ACLY: variants seen among roughly 807,000 people sequenced by gnomAD.
ACLY encodes ATP citrate lyase.
A neutral mutation model predicts 133.0 loss-of-function variants in ACLY; 41 were observed. That is an observed-to-expected ratio of 0.31 (90% CI 0.24 to 0.40). The LOEUF is 0.40. ACLY is among the 10% of genes least tolerant of loss of function. The pLI is 1.00. For missense variants in ACLY, 1,046 were observed against 1,453.8 expected, an observed-to-expected ratio of 0.72 and a Z score of 4.56; for synonymous variants, 495 against 549.3, an observed-to-expected ratio of 0.90 and a Z score of 1.38.
chr17:41,910,424 G>T, intron 3 of ACLY, 140 bp from the exon 4 acceptor site: 1 of 696,126 alleles, frequency 1.4e-6, no homozygotes, highest in Non-Finnish European at 2.5e-6. Flanking sequence ...AGAAAAAATG[G>T]GGTCACAGAT....
Position 41,916,719 on chromosome 17 carries a change from CTCTTTGAGG to C in ACLY, c.-24+2152_-24+2160del, listed in dbSNP as rs1348079267. On this transcript the variant is annotated intron_variant, in intron 1 of 28. Coordinates refer to ENST00000352035, the MANE Select transcript of ACLY (RefSeq NM_001096.3). Reference sequence around the variant, plus strand: ...TCTCTCTAAGGCAGTGGCTCTTAACCTCTTTGAGGCCTCAGACTCTTCTGAGACTGAAAA... The same window carrying C: ...TCTCTCTAAGGCAGTGGCTCTTAACCCCTCAGACTCTTCTGAGACTGAAAA... Among the ~76,000 whole-genome samples the C allele has an allele frequency of 4.6e-5, 7 of 152,174 alleles. No individual in the cohort carries two copies. The South Asian group carries it at 8.3e-4, about 18-fold the overall frequency.
At chr17:41,877,827 C>T (rs561557854) in intron 22 of ACLY, among the ~76,000 whole-genome samples, 7 of 152,142 alleles carry the variant, frequency 4.6e-5, no homozygotes, top group South Asian at 2.1e-4. Context: ...CCTCAAACAT[C>T]GGACTCCAAG....
chr17:41,869,436 T>C, intron 26 of ACLY, 38 bp downstream of exon 26: 1 of 1,533,404 alleles, frequency 6.5e-7, no homozygotes, highest in South Asian at 1.1e-5. Flanking sequence ...AATAAACTTG[T>C]CCAACGTGAG....
chr17:41,892,493 G>A, intron 15 of ACLY, 46 bp from the exon 16 acceptor site: 1 of 1,568,614 alleles, frequency 6.4e-7, no homozygotes, highest in Non-Finnish European at 8.7e-7. Context: ...AACCTGTCAG[G>A]ACTGGGGAAG....
chr17:41,878,958 TC>T, intron 20 of ACLY, 34 bp from the exon 21 acceptor site: 1 of 1,613,124 alleles, frequency 6.2e-7, no homozygotes, highest in Non-Finnish European at 8.5e-7. Flanking sequence ...TTACTGCTAA[TC>T]CCCCAAGAGT....
intron 10 of ACLY, among the ~76,000 whole-genome samples, chr17:41,903,080 C>T (rs1278865807): frequency 6.6e-6 from 1 of 152,174 alleles, no homozygotes; most frequent in Non-Finnish European, 1.5e-5. Context: ...TAAGCCACCA[C>T]GCCCAGCCTC....
intron 25 of ACLY, among the ~76,000 whole-genome samples, chr17:41,871,216 T>C (rs1323832359): frequency 6.6e-6 from 1 of 152,196 alleles, no homozygotes; most frequent in African/African-American, 2.4e-5. Context: ...TATTATAACA[T>C]GGAAAAAATA....
chr17:41,918,660 T>G (rs2050121372), intron 1 of ACLY, among the ~76,000 whole-genome samples: 1 of 151,756 alleles, frequency 6.6e-6, no homozygotes, highest in Middle Eastern at 3.4e-3. Context: ...AACTGGAATA[T>G]GTGTGTGTCG....
intron 10 of ACLY, among the ~76,000 whole-genome samples, chr17:41,903,589 C>A (rs564824862): frequency 6.6e-6 from 1 of 151,620 alleles, no homozygotes; most frequent in East Asian, 1.9e-4. Context: ...CCCGTCTCTA[C>A]TAAAAATACA....
chr17:41,910,313 C>CA (rs1453388549), intron 3 of ACLY, 29 bp from the exon 4 acceptor site: 6 of 1,603,860 alleles, frequency 3.7e-6, no homozygotes, highest in Non-Finnish European at 5.1e-6. Flanking sequence ...AGATGAAACT[C>CA]AGAGGGACAG....
At chr17:41,869,403 G>A (rs1289017471) in intron 26 of ACLY, 71 bp downstream of exon 26, 7 of 1,263,096 alleles carry the variant, frequency 5.5e-6, no homozygotes, top group Non-Finnish European at 8.0e-6. Flanking sequence ...TAATCAAAAT[G>A]TAACGTGGCT....
At position 41,873,923 on chromosome 17, in the gene ACLY, T is replaced by C. The variant is rs2144212592; in HGVS notation, c.2530A>G (p.Ile844Val). 2 of 1,609,568 alleles carry C rather than the reference T, an allele frequency of 1.2e-6. No homozygotes were observed. Among genetic ancestry groups the C allele is most frequent in the Middle Eastern group, 1.7e-4 (1 of 6,024 alleles). ...AGCTCCTGTCCTCGCTCATCGCAGA[T>C]GCTGGTCATGAACGAGGCAGGTTTG... is the stretch of plus-strand genomic sequence containing the variant. ...IRKPASFMTS[I>V]CDERGQELIY... is the part of the protein sequence containing the mutation. The change falls in exon 23 of 29, where the codon ATC (isoleucine) becomes GTC (valine). Residue 844 changes from isoleucine (I) to valine (V), a missense_variant. Physicochemically the swap from Ile to Val is conservative, Grantham distance 29. Around this residue, in one of 4 missense-constraint regions of ACLY, gnomAD observed 205 missense variants for 373.3 expected, o/e 0.55. Transcript: ENST00000352035.
upstream of ACLY, among the ~76,000 whole-genome samples, chr17:41,921,345 A>G (rs2050179557): frequency 6.6e-6 from 1 of 151,800 alleles, no homozygotes; most frequent in Non-Finnish European, 1.5e-5. Context: ...TTAGCAGGGC[A>G]TGGTGGTGCA....
intron 6 of ACLY, 121 bp from the exon 7 acceptor site, chr17:41,907,693 G>A: frequency 8.7e-7 from 1 of 1,156,046 alleles, no homozygotes. Context: ...AACTCTCTAA[G>A]CTCAGTAAGA....
At chr17:41,877,906 T>C (rs1323212317) in intron 22 of ACLY, among the ~76,000 whole-genome samples, 197 bp downstream of exon 22, 1 of 152,176 alleles carries the variant, frequency 6.6e-6, no homozygotes, top group African/African-American at 2.4e-5. Flanking sequence ...TTGTGGTACC[T>C]TGTGATCATG....
In ACLY at chr17:41,912,529, T is replaced by G. The variant is rs1214689702; in HGVS notation, c.173A>C (p.Lys58Thr). Reference sequence around the variant, plus strand: ...ACGACGTTTGATCAGCTGGTCTGGCTTGACTACCAAGTTCTGGAACAAAAG... The same window carrying G: ...ACGACGTTTGATCAGCTGGTCTGGCGTGACTACCAAGTTCTGGAACAAAAG... ...PWLLSQNLVV[K>T]PDQLIKRRGK... is the part of the protein sequence containing the mutation. The change falls in exon 3 of 29, where the codon AAG (lysine) becomes ACG (threonine). Residue 58 changes from lysine to threonine, a missense_variant. Lys to Thr is a moderately conservative substitution (Grantham distance 78, BLOSUM62 -1). Around this residue, in one of 4 missense-constraint regions of ACLY, gnomAD observed 227 missense variants for 245.6 expected, o/e 0.92. Transcript: ENST00000352035. The G allele has an allele frequency of 1.2e-6, 2 of 1,614,092 alleles. No individual in the cohort carries two copies. The highest frequency in any genetic ancestry group is 2.7e-5 in the African/African-American group (2 of 74,944).
chr17:41,900,090 A>AAAAAAAAATTGC (rs2049491626), intron 11 of ACLY, among the ~76,000 whole-genome samples: 2 of 145,284 alleles, frequency 1.4e-5, no homozygotes, highest in Non-Finnish European at 3.0e-5. Context: ...AAAAAAAAAA[A>AAAAAAAAATTGC]AAAAAATTGC....
chr17:41,922,945 C>T (rs1480463782), upstream of ACLY, among the ~76,000 whole-genome samples: 2 of 152,218 alleles, frequency 1.3e-5, no homozygotes, highest in Non-Finnish European at 2.9e-5. Flanking sequence ...GTAAGACTCT[C>T]TCATTACCCC....
At chr17:41,896,298 C>T (rs1453465286) in intron 14 of ACLY, among the ~76,000 whole-genome samples, 1 of 152,208 alleles carries the variant, frequency 6.6e-6, no homozygotes, top group East Asian at 1.9e-4. Context: ...CCAGGCGACA[C>T]TCTCTCCTTG....
Sources: allele counts gnomAD v4.1 joint callset (sites outside exome capture counted in the v4.1 genomes callset), GRCh38; gene constraint gnomAD v4.1.1; regional missense constraint gnomAD v4.1.1; transcripts MANE v1.5; gene names NCBI Gene and HGNC (gene_info 2026-07-23, HGNC 2026-07-21).